TRAF2: variants seen among roughly 807,000 people sequenced by gnomAD.
TRAF2 encodes TNF receptor-associated factor 2.
Under a neutral mutation model 55.6 loss-of-function variants are expected in TRAF2, and 6 were observed. The observed-to-expected ratio is 0.11, with a 90% CI of 0.06 to 0.21. The LOEUF (loss-of-function observed/expected upper bound fraction) is 0.21, where lower values mean the gene tolerates loss of function less well. Ranked by LOEUF, TRAF2 falls within the 10% of genes least tolerant of loss-of-function variation. The pLI is 1.00. For synonymous variants in TRAF2, 329 were observed against 276.3 expected (o/e 1.19, Z -1.89); for missense variants, 561 against 684.5 (o/e 0.82, Z 2.01).
chr9:136,908,833 G>A (rs1428518802), intron 5 of TRAF2, among the ~76,000 whole-genome samples: 2 of 139,946 alleles, frequency 1.4e-5, no homozygotes, highest in Admixed American at 1.5e-4. Context: ...TTGCGCCACT[G>A]CACTCCAGCC....
At chr9:136,919,981 G>A (rs1850344516) in intron 7 of TRAF2, among the ~76,000 whole-genome samples, 1 of 152,196 alleles carries the variant, frequency 6.6e-6, no homozygotes, top group Non-Finnish European at 1.5e-5. Flanking sequence ...GCCTTCTGAA[G>A]TGCTGGAATC....
chr9:136,919,675 T>C (rs1850335538), intron 7 of TRAF2, among the ~76,000 whole-genome samples: 2 of 41,544 alleles, frequency 4.8e-5, no homozygotes, highest in African/African-American at 1.5e-4. Flanking sequence ...CTTCTTTCCC[T>C]CCCCTTCTTC....
rs777530670 is a variant in TRAF2, at chr9:136,898,806, C to T, written c.66C>T (p.Thr22=). 19 of 1,613,672 alleles carry T rather than the reference C, an allele frequency of 1.2e-5. No homozygotes were observed. Among genetic ancestry groups the T allele is most frequent in the Non-Finnish European group, 1.6e-5 (19 of 1,180,052 alleles). Residue 22 remains threonine (T), a synonymous_variant, in exon 2 of 11, where the codon ACC becomes ACT. Coordinates refer to ENST00000247668, the MANE Select transcript of TRAF2 (RefSeq NM_021138.4). ...LELLQPGFSK[T]LLGTKLEAKY... ...TGCTACAGCCCGGCTTCTCCAAGAC[C>T]CTCCTGGGGACCAAGCTGGAAGCCA... is the stretch of plus-strand genomic sequence containing the variant.
chr9:136,902,453 A>G (rs553675717), intron 4 of TRAF2: 1 of 152,264 alleles, frequency 6.6e-6, no homozygotes, highest in Admixed American at 6.5e-5. Flanking sequence ...GGTCTCTGCC[A>G]CCTCCAGGCT....
chr9:136,906,033 A>AG (rs1849941807), intron 4 of TRAF2, among the ~76,000 whole-genome samples: 2 of 152,148 alleles, frequency 1.3e-5, no homozygotes, highest in Non-Finnish European at 2.9e-5. Context: ...TGAACCCAGG[A>AG]GGTGGAGGTT....
chr9:136,907,953 C>G, intron 4 of TRAF2, 117 bp from the exon 5 acceptor site: 1 of 1,366,006 alleles, frequency 7.3e-7, no homozygotes, highest in Non-Finnish European at 9.9e-7. Context: ...GGGCGGCCCC[C>G]AGGACCAGCA....
chr9:136,908,790 A>C (rs1419221904), intron 5 of TRAF2, among the ~76,000 whole-genome samples: 11 of 151,680 alleles, frequency 7.3e-5, no homozygotes, highest in African/African-American at 2.7e-4. Context: ...GAATGGCGTG[A>C]ACCCAGGAGG....
chr9:136,887,829 T>C lies in TRAF2; in HGVS notation c.-29+1288T>C, dbSNP rs76413706. ...GTTATCAAGCTTCTATTTGGTATTA[T>C]TTTGAGCCTGAAAAAGATGGGGTTA... is the stretch of plus-strand genomic sequence containing the variant. On this transcript the variant is annotated intron_variant, in intron 1 of 10. Transcript: ENST00000247668. Among the ~76,000 whole-genome samples, 863 of 152,268 alleles carry C rather than the reference T, an allele frequency of 5.7e-3. 4 individuals are homozygous for C. The highest frequency in any genetic ancestry group is 0.019 in the African/African-American group (797 of 41,556).
intron 6 of TRAF2, among the ~76,000 whole-genome samples, chr9:136,910,865 C>G (rs924232091): frequency 1.7e-4 from 26 of 152,218 alleles, no homozygotes; most frequent in Admixed American, 1.2e-3. Context: ...TGTTAAATGT[C>G]CCGCACTGTG....
At chr9:136,918,204 G>A (rs1850285401) in intron 7 of TRAF2, among the ~76,000 whole-genome samples, 1 of 143,770 alleles carries the variant, frequency 7.0e-6, no homozygotes, top group African/African-American at 2.6e-5. Flanking sequence ...TTCTTTTACT[G>A]TAATTTTTTT....
chr9:136,907,936 C>CT, intron 4 of TRAF2, 134 bp from the exon 5 acceptor site: 1 of 1,124,330 alleles, frequency 8.9e-7, no homozygotes, highest in African/African-American at 1.6e-5. Context: ...TGAGAGCTAT[C>CT]TGCAGAGGGC....
chr9:136,893,607 G>C (rs908878169), intron 1 of TRAF2, among the ~76,000 whole-genome samples: 2 of 152,216 alleles, frequency 1.3e-5, no homozygotes, highest in Non-Finnish European at 2.9e-5. Flanking sequence ...AAGACACTTG[G>C]AATGTGCTTT....
intron 7 of TRAF2, among the ~76,000 whole-genome samples, chr9:136,917,947 G>C (rs1325821990): frequency 6.6e-6 from 1 of 152,060 alleles, no homozygotes; most frequent in Non-Finnish European, 1.5e-5. Flanking sequence ...AGAAATGAGA[G>C]AGAACACAGC....
intron 9 of TRAF2, 110 bp downstream of exon 9, chr9:136,921,325 A>G: frequency 2.2e-6 from 3 of 1,356,664 alleles, no homozygotes; most frequent in Non-Finnish European, 3.0e-6. Context: ...CTGGGATACG[A>G]CCCCCAGTGA....
chr9:136,906,278 A>T (rs143038156), intron 4 of TRAF2, among the ~76,000 whole-genome samples: 2 of 152,234 alleles, frequency 1.3e-5, no homozygotes, highest in African/African-American at 4.8e-5. Context: ...GTCCATTTTC[A>T]TACTACTATA....
intron 4 of TRAF2, among the ~76,000 whole-genome samples, chr9:136,905,016 G>A (rs1255927736): frequency 2.0e-5 from 3 of 152,234 alleles, no homozygotes; most frequent in Non-Finnish European, 4.4e-5. Context: ...CTGTGTGAAG[G>A]TTTGGGAGGA....
intron 6 of TRAF2, among the ~76,000 whole-genome samples, chr9:136,915,215 T>C (rs1850212693): frequency 6.6e-6 from 1 of 152,136 alleles, no homozygotes; most frequent in Admixed American, 6.5e-5. Context: ...AATGGTTACA[T>C]GGCACCAAAG....
intron 1 of TRAF2, among the ~76,000 whole-genome samples, chr9:136,891,724 C>CT (rs35674360): frequency 0.14 from 20,273 of 144,614 alleles, 1,569 homozygotes; most frequent in Admixed American, 0.24. Context: ...CACCCTGAAT[C>CT]TTTTTTTTTT....
At chr9:136,902,802 C>G (rs767006744) in intron 4 of TRAF2, among the ~76,000 whole-genome samples, 3 of 152,108 alleles carry the variant, frequency 2.0e-5, no homozygotes, top group Non-Finnish European at 4.4e-5. Context: ...TCCGGGTGCT[C>G]GGAGTGTGCT....
Sources: allele counts gnomAD v4.1 joint callset (sites outside exome capture counted in the v4.1 genomes callset), GRCh38; gene constraint gnomAD v4.1.1; transcripts MANE v1.5; gene names NCBI Gene and HGNC (gene_info 2026-07-23, HGNC 2026-07-21).